Variants in CAMTA1 observed in about 807,000 individuals in gnomAD.
CAMTA1 encodes the protein calmodulin binding transcription activator 1, also known as calmodulin-binding transcription activator 1.
CAMTA1 carries 27 observed loss-of-function variants against 170.9 expected under a neutral mutation model. That is an observed-to-expected ratio of 0.16 (90% CI 0.12 to 0.22). The LOEUF is 0.22. CAMTA1 is among the 10% of genes least tolerant of loss of function. The pLI is 1.00. For missense variants in CAMTA1, 1,619 were observed against 2,217.2 expected (o/e 0.73, Z 5.42); for synonymous variants, 833 against 891.5 (o/e 0.93, Z 1.17).
At chr1:7,047,955 AAAG>A (rs1467796055) in intron 3 of CAMTA1, among the ~76,000 whole-genome samples, 1 of 151,904 alleles carries the variant, frequency 6.6e-6, no homozygotes, top group Admixed American at 6.6e-5. Flanking sequence ...ATTCATTGAC[AAAG>A]AAGAGATTTT....
intron 5 of CAMTA1, among the ~76,000 whole-genome samples, chr1:7,276,703 C>T (rs1207077385): frequency 6.6e-6 from 1 of 151,914 alleles, no homozygotes; most frequent in Non-Finnish European, 1.5e-5. Flanking sequence ...CAATATTCTA[C>T]CGGAGGTCCT....
intron 6 of CAMTA1, among the ~76,000 whole-genome samples, chr1:7,587,765 G>T (rs1421728077): frequency 6.6e-6 from 1 of 152,028 alleles, no homozygotes; most frequent in Non-Finnish European, 1.5e-5. Flanking sequence ...TGCAACCAGG[G>T]TCTGCAGTGT....
At chr1:7,662,106 C>T (rs2095964247) in intron 8 of CAMTA1, among the ~76,000 whole-genome samples, 1 of 152,252 alleles carries the variant, frequency 6.6e-6, no homozygotes, top group Non-Finnish European at 1.5e-5. Flanking sequence ...TCCAGAGGGA[C>T]AGCTTCCTCC....
intron 5 of CAMTA1, among the ~76,000 whole-genome samples, chr1:7,274,671 A>G (rs1363899041): frequency 1.3e-5 from 2 of 152,186 alleles, no homozygotes; most frequent in Non-Finnish European, 2.9e-5. Context: ...TATTAATATA[A>G]ACTATATACT....
chr1:7,678,803 A>C (rs2096152395), intron 11 of CAMTA1, among the ~76,000 whole-genome samples: 2 of 152,138 alleles, frequency 1.3e-5, no homozygotes, highest in African/African-American at 4.8e-5. Context: ...TTCTCCAAGC[A>C]ACACCCCCTC....
chr1:7,363,352 TA>T (rs2085704546), intron 5 of CAMTA1, among the ~76,000 whole-genome samples: 1 of 152,196 alleles, frequency 6.6e-6, no homozygotes, highest in African/African-American at 2.4e-5. Context: ...GCTCTAGCTA[TA>T]AAATATTACT....
intron 11 of CAMTA1, chr1:7,700,722 A>C (rs562596504): frequency 9.8e-5 from 15 of 152,358 alleles, no homozygotes; most frequent in African/African-American, 3.6e-4. Flanking sequence ...AATACACATC[A>C]GATTTATTCA....
intron 6 of CAMTA1, among the ~76,000 whole-genome samples, chr1:7,539,267 A>G (rs2094581738): frequency 6.6e-6 from 1 of 152,256 alleles, no homozygotes; most frequent in Non-Finnish European, 1.5e-5. Context: ...CTTGGGGGAC[A>G]GGACGTGGGC....
intron 6 of CAMTA1, among the ~76,000 whole-genome samples, chr1:7,483,872 G>A (rs1378324897): frequency 1.3e-5 from 2 of 152,050 alleles, no homozygotes; most frequent in Non-Finnish European, 1.5e-5. Flanking sequence ...CCCTGACCTG[G>A]CTCCCGTGAG....
chr1:6,958,105 T>C (rs901429392), intron 3 of CAMTA1, among the ~76,000 whole-genome samples: 1 of 152,160 alleles, frequency 6.6e-6, no homozygotes, highest in Non-Finnish European at 1.5e-5. Context: ...CTTCCCAGAC[T>C]GTGTGGGAGT....
At chr1:7,227,241 C>T (rs1195871580) in intron 4 of CAMTA1, among the ~76,000 whole-genome samples, 2 of 152,188 alleles carry the variant, frequency 1.3e-5, no homozygotes, top group Non-Finnish European at 2.9e-5. Context: ...ATTAGTGGGA[C>T]CAACCCCTTT....
chr1:7,564,434 C>T lies in CAMTA1; in HGVS notation c.511-75966C>T, dbSNP rs74055140. 3.9e-3 allele frequency among the ~76,000 whole-genome samples: 590 copies of T among 152,340 alleles called. 5 individuals are homozygous for T. The highest frequency in any genetic ancestry group is 0.013 in the African/African-American group (539 of 41,574). On this transcript the variant is annotated intron_variant, in intron 6 of 22. Coordinates refer to ENST00000303635, the MANE Select transcript of CAMTA1 (RefSeq NM_015215.4). ...GGCGGCGCCTTCACAGGGCAAGTGG[C>T]TAAGACCTTGCTTCTTCAGAAGCTC...
chr1:7,686,483 C>T (rs548477374), intron 11 of CAMTA1, among the ~76,000 whole-genome samples: 19 of 126,202 alleles, frequency 1.5e-4, no homozygotes, highest in Non-Finnish European at 2.4e-4. Context: ...GGGGGAGCTG[C>T]GGTCAGAATA....
At chr1:7,069,543 T>C (rs1270940744) in intron 3 of CAMTA1, among the ~76,000 whole-genome samples, 4 of 152,146 alleles carry the variant, frequency 2.6e-5, no homozygotes, top group African/African-American at 9.7e-5. Context: ...GGACAGGTCT[T>C]TTGTCAGCGG....
intron 22 of CAMTA1, among the ~76,000 whole-genome samples, chr1:7,757,726 ACT>A (rs2096941219): frequency 6.6e-6 from 1 of 152,022 alleles, no homozygotes; most frequent in African/African-American, 2.4e-5. Context: ...ACAGAGCAAG[ACT>A]CTGTCTCAAA....
intron 6 of CAMTA1, among the ~76,000 whole-genome samples, chr1:7,638,701 C>T (rs1366432572): frequency 6.6e-6 from 1 of 152,102 alleles, no homozygotes; most frequent in Admixed American, 6.5e-5. Flanking sequence ...TTTAGCTAGG[C>T]TTTTCTGGCT....
chr1:7,123,900 G>C (rs1448604008), intron 4 of CAMTA1, among the ~76,000 whole-genome samples: 1 of 152,194 alleles, frequency 6.6e-6, no homozygotes, highest in Admixed American at 6.5e-5. Flanking sequence ...GCCAGGGGAG[G>C]TGGCTGTGGG....
intron 11 of CAMTA1, among the ~76,000 whole-genome samples, chr1:7,719,737 G>T (rs939690592): frequency 7.2e-5 from 11 of 152,250 alleles, no homozygotes; most frequent in African/African-American, 2.6e-4. Flanking sequence ...ATATACTCTC[G>T]TGGCACCATT....
intron 9 of CAMTA1, among the ~76,000 whole-genome samples, chr1:7,669,704 T>A (rs1200716382): frequency 6.6e-6 from 1 of 152,094 alleles, no homozygotes; most frequent in Non-Finnish European, 1.5e-5. Context: ...GGGAAAGGTG[T>A]TTACTGGTTT....
Sources: allele counts gnomAD v4.1 joint callset (sites outside exome capture counted in the v4.1 genomes callset), GRCh38; gene constraint gnomAD v4.1.1; transcripts MANE v1.5; gene names NCBI Gene and HGNC (gene_info 2026-07-23, HGNC 2026-07-21).